CADPS2: variants seen among roughly 807,000 people sequenced by gnomAD.
CADPS2 encodes the protein calcium dependent secretion activator 2, also known as calcium-dependent secretion activator 2.
Under a neutral mutation model 172.5 loss-of-function variants are expected in CADPS2, and 93 were observed. That is an observed-to-expected ratio of 0.54 (90% CI 0.46 to 0.64). The LOEUF (loss-of-function observed/expected upper bound fraction) is 0.64, where lower values mean the gene tolerates loss of function less well. CADPS2 is among the 30% of genes least tolerant of loss of function. CADPS2 has a pLI of 0.00. For missense variants in CADPS2, 1,420 were observed against 1,565.9 expected (o/e 0.91, Z 1.57); for synonymous variants, 546 against 555.2 (o/e 0.98, Z 0.23).
At chr7:122,646,360 C>A (rs1445559862) in intron 3 of CADPS2, among the ~76,000 whole-genome samples, 1 of 152,030 alleles carries the variant, frequency 6.6e-6, no homozygotes, top group East Asian at 1.9e-4. Context: ...AACATCAATG[C>A]AAAGTACAAT....
chr7:122,528,110 A>AGTGGTGGTGGTGGTGGTGGTG (rs71159802), intron 8 of CADPS2, among the ~76,000 whole-genome samples: 17 of 130,126 alleles, frequency 1.3e-4, no homozygotes, highest in East Asian at 5.2e-4. Context: ...TGAAGGCATT[A>AGTGGTGGTGGTGGTGGTGGTG]GTGGTGGTGG....
chr7:122,864,529 AG>A (rs1299641324), intron 1 of CADPS2, among the ~76,000 whole-genome samples: 2 of 152,128 alleles, frequency 1.3e-5, no homozygotes, highest in East Asian at 3.9e-4. Context: ...GGCCACTTGT[AG>A]CTCTCAGGAA....
chr7:122,701,757 A>T, intron 2 of CADPS2: 2 of 1,008,234 alleles, frequency 2.0e-6, no homozygotes, highest in Non-Finnish European at 2.9e-6. Flanking sequence ...CTCTACATAA[A>T]GTACAATAAG....
At chr7:122,435,667 G>A (rs894480239) in intron 17 of CADPS2, among the ~76,000 whole-genome samples, 2 of 152,030 alleles carry the variant, frequency 1.3e-5, no homozygotes, top group African/African-American at 2.4e-5. Context: ...TCTCACTTCT[G>A]GGTATACAAC....
At chr7:122,351,598 T>C (rs1363957591) in intron 27 of CADPS2, among the ~76,000 whole-genome samples, 2 of 151,916 alleles carry the variant, frequency 1.3e-5, no homozygotes, top group Non-Finnish European at 2.9e-5. Context: ...GCATGTAACA[T>C]GTGTTTTAAG....
intron 1 of CADPS2, among the ~76,000 whole-genome samples, chr7:122,848,558 T>C (rs1812655195): frequency 6.6e-6 from 1 of 152,174 alleles, no homozygotes; most frequent in African/African-American, 2.4e-5. Flanking sequence ...AAAGAACTTT[T>C]ATAAAGCTAA....
At chr7:122,879,505 A>G (rs1379814172) in intron 1 of CADPS2, among the ~76,000 whole-genome samples, 4 of 151,890 alleles carry the variant, frequency 2.6e-5, no homozygotes, top group East Asian at 1.9e-4. Context: ...ACTGCACTCT[A>G]GCCTGGGCAA....
At chr7:122,537,938 TG>T (rs1437334821) in intron 8 of CADPS2, among the ~76,000 whole-genome samples, 3 of 151,704 alleles carry the variant, frequency 2.0e-5, no homozygotes, top group Non-Finnish European at 4.4e-5. Flanking sequence ...AATAATAATC[TG>T]GAAAAAAATA....
chr7:122,319,965 AC>A lies in CADPS2; in HGVS notation c.*199del, dbSNP rs2032046330. On this transcript the variant is annotated 3_prime_UTR_variant, in exon 30 of 30. Transcript: ENST00000449022. ...CTTCTCCAAAAAAACAAACAAACAA[AC>A]AAACAAAAAAAGGAAACAAAAAAAC... 3 of 468,212 alleles carry A rather than the reference AC, an allele frequency of 6.4e-6. No homozygotes were observed. Among genetic ancestry groups the A allele is most frequent in the African/African-American group, 4.0e-5 (2 of 49,770 alleles). The allele number at this position is 468,212 out of a possible 1,614,324, so 29.0% of individuals were successfully genotyped here. A position where few individuals can be genotyped will look rare whatever the true frequency, so the allele number is the denominator to read the frequency against.
At chr7:122,705,866 T>TA (rs2087129874) in intron 2 of CADPS2, among the ~76,000 whole-genome samples, 1 of 10,872 alleles carries the variant, frequency 9.2e-5, no homozygotes, top group African/African-American at 2.0e-4. Flanking sequence ...ATTATACATA[T>TA]TATATATAAT....
intron 6 of CADPS2, among the ~76,000 whole-genome samples, chr7:122,609,242 T>C (rs1268994341): frequency 6.6e-6 from 1 of 152,100 alleles, no homozygotes; most frequent in Non-Finnish European, 1.5e-5. Context: ...AGGACTACTA[T>C]ATGAAAATAA....
chr7:122,714,058 A>C (rs1441404735), intron 2 of CADPS2, among the ~76,000 whole-genome samples: 2 of 152,112 alleles, frequency 1.3e-5, no homozygotes, highest in African/African-American at 2.4e-5. Context: ...CCAATGATTC[A>C]AATTTAGTTT....
intron 28 of CADPS2, among the ~76,000 whole-genome samples, chr7:122,333,332 G>A (rs1385085840): frequency 3.9e-5 from 6 of 152,188 alleles, no homozygotes; most frequent in Non-Finnish European, 8.8e-5. Context: ...TGAGCTGTTA[G>A]CATGTCTTTC....
intron 12 of CADPS2, among the ~76,000 whole-genome samples, chr7:122,479,092 C>A (rs2057013340): frequency 6.6e-6 from 1 of 151,938 alleles, no homozygotes; most frequent in Non-Finnish European, 1.5e-5. Flanking sequence ...AAAAGGAGGC[C>A]ATTTTTTAGC....
At chr7:122,790,769 A>G (rs1476556585) in intron 1 of CADPS2, among the ~76,000 whole-genome samples, 4 of 152,194 alleles carry the variant, frequency 2.6e-5, no homozygotes, top group Non-Finnish European at 5.9e-5. Flanking sequence ...AGATACTGCA[A>G]TGCATGACTA....
chr7:122,478,442 G>A (rs2056948980), intron 12 of CADPS2, among the ~76,000 whole-genome samples: 1 of 152,184 alleles, frequency 6.6e-6, no homozygotes, highest in Non-Finnish European at 1.5e-5. Flanking sequence ...AGTTTCTATG[G>A]CAACAGTTGG....
At chr7:122,446,388 TG>T (rs1243465573) in intron 15 of CADPS2, among the ~76,000 whole-genome samples, 4 of 152,198 alleles carry the variant, frequency 2.6e-5, no homozygotes, top group Non-Finnish European at 4.4e-5. Context: ...GGAAACAGTT[TG>T]GCCTATTTGA....
intron 1 of CADPS2, among the ~76,000 whole-genome samples, chr7:122,842,223 G>A (rs1393245041): frequency 6.6e-6 from 1 of 152,200 alleles, no homozygotes; most frequent in Non-Finnish European, 1.5e-5. Flanking sequence ...GCTTCTGTCA[G>A]GCTCTCCATG....
chr7:122,714,127 T>C (rs1264565969), intron 2 of CADPS2, among the ~76,000 whole-genome samples: 1 of 152,124 alleles, frequency 6.6e-6, no homozygotes, highest in African/African-American at 2.4e-5. Context: ...TATAATCCAC[T>C]TAAACAACTA....
Sources: gnomAD v4.1 joint callset for allele counts (sites outside exome capture counted in the v4.1 genomes callset) on GRCh38, gnomAD v4.1.1 for gene constraint, MANE v1.5 for transcripts, NCBI Gene and HGNC (gene_info 2026-07-23, HGNC 2026-07-21) for gene names.